ERC2: variants seen among roughly 807,000 people sequenced by gnomAD.
ERC2 encodes the protein ERC protein 2.
ERC2 carries 42 observed loss-of-function variants against 114.8 expected under a neutral mutation model. The observed-to-expected ratio is 0.37, with a 90% CI of 0.29 to 0.47. The LOEUF is 0.47. Among genes scored for constraint, ERC2 ranks in the 20% least tolerant of loss-of-function variants. The pLI is 0.99. For synonymous variants in ERC2, 454 were observed against 425.5 expected (o/e 1.07, Z -0.82); for missense variants, 939 against 1,150.7 (o/e 0.82, Z 2.66).
chr3:55,611,629 C>T (rs564264850), intron 17 of ERC2, among the ~76,000 whole-genome samples: 2 of 152,282 alleles, frequency 1.3e-5, no homozygotes, highest in South Asian at 4.2e-4. Flanking sequence ...CCCAGGCAGC[C>T]TCCCCTCCAG....
intron 3 of ERC2, among the ~76,000 whole-genome samples, chr3:56,221,161 A>C (rs115235348): frequency 0.3 from 44,729 of 151,164 alleles, 8,217 homozygotes; most frequent in Middle Eastern, 0.42. Context: ...TGAAAATTGA[A>C]AATTTTCAAA....
chr3:55,906,460 G>A (rs2064454980), intron 13 of ERC2, among the ~76,000 whole-genome samples: 1 of 150,592 alleles, frequency 6.6e-6, no homozygotes, highest in African/African-American at 2.4e-5. Flanking sequence ...AAAAGTAGTG[G>A]CAGGGGGTTC....
At chr3:56,241,340 C>G (rs767674532) in intron 3 of ERC2, among the ~76,000 whole-genome samples, 5 of 151,910 alleles carry the variant, frequency 3.3e-5, no homozygotes, top group African/African-American at 1.2e-4. Context: ...AAAACCACAA[C>G]AAGATATCAT....
chr3:56,345,745 C>T (rs923693659), intron 2 of ERC2, among the ~76,000 whole-genome samples: 17 of 152,110 alleles, frequency 1.1e-4, no homozygotes, highest in African/African-American at 2.4e-4. Context: ...TTGAGGTTTC[C>T]GCTGTCTTGG....
At chr3:56,327,760 G>C (rs957632915) in intron 2 of ERC2, among the ~76,000 whole-genome samples, 1 of 152,070 alleles carries the variant, frequency 6.6e-6, no homozygotes, top group Non-Finnish European at 1.5e-5. Flanking sequence ...TGAATCGAGG[G>C]AATCAGAGAA....
At chr3:55,755,529 C>T (rs557701949) in intron 14 of ERC2, among the ~76,000 whole-genome samples, 107 of 152,280 alleles carry the variant, frequency 7.0e-4, no homozygotes, top group African/African-American at 2.5e-3. Flanking sequence ...TTCAACTCCC[C>T]GAACACCCCA....
intron 2 of ERC2, among the ~76,000 whole-genome samples, chr3:56,297,372 G>A (rs1470150010): frequency 6.6e-6 from 1 of 151,964 alleles, no homozygotes; most frequent in Non-Finnish European, 1.5e-5. Context: ...AAATCTCACT[G>A]ACCCAGAAAC....
intron 17 of ERC2, among the ~76,000 whole-genome samples, chr3:55,553,317 G>A (rs2055359296): frequency 6.6e-6 from 1 of 151,878 alleles, no homozygotes; most frequent in Admixed American, 6.6e-5. Flanking sequence ...ACCACGTCAG[G>A]TCCAGATTTT....
intron 17 of ERC2, among the ~76,000 whole-genome samples, chr3:55,580,208 C>A (rs2057187014): frequency 1.3e-5 from 2 of 151,790 alleles, no homozygotes; most frequent in South Asian, 4.2e-4. Flanking sequence ...ATGTAAATAC[C>A]ACTTGACAGC....
intron 14 of ERC2, among the ~76,000 whole-genome samples, chr3:55,822,166 A>G (rs558351130): frequency 2.6e-5 from 4 of 152,312 alleles, no homozygotes; most frequent in East Asian, 3.9e-4. Context: ...ACATTTTTAA[A>G]TGTTCTGAGA....
intron 14 of ERC2, among the ~76,000 whole-genome samples, chr3:55,798,641 C>A (rs1283411546): frequency 6.6e-6 from 1 of 151,362 alleles, no homozygotes; most frequent in African/African-American, 2.4e-5. Flanking sequence ...GGAAAGATAG[C>A]CACTTAAAAT....
At chr3:55,726,350 C>A (rs1215054712) in intron 15 of ERC2, among the ~76,000 whole-genome samples, 1 of 152,146 alleles carries the variant, frequency 6.6e-6, no homozygotes, top group Non-Finnish European at 1.5e-5. Context: ...ACCTCCTGAA[C>A]CATAAAGGGT....
intron 12 of ERC2, among the ~76,000 whole-genome samples, chr3:55,952,165 ACACACACACACACAC>A (rs2067581146): frequency 1.3e-4 from 11 of 85,922 alleles, no homozygotes; most frequent in East Asian, 2.8e-4. Context: ...ACACACACAC[ACACACACACACACAC>A]TCTCTCTCTC....
intron 2 of ERC2, among the ~76,000 whole-genome samples, chr3:56,420,906 A>G (rs528115481): frequency 7.2e-5 from 11 of 152,042 alleles, no homozygotes; most frequent in South Asian, 6.2e-4. Context: ...CAAAAAAAAA[A>G]AAAGAAAGAA....
intron 14 of ERC2, among the ~76,000 whole-genome samples, chr3:55,809,329 G>A (rs1268726777): frequency 6.6e-6 from 1 of 152,090 alleles, no homozygotes; most frequent in Non-Finnish European, 1.5e-5. Flanking sequence ...TCTAGGCAAG[G>A]ATTATATGGC....
rs540062130 is a variant in ERC2, at chr3:55,872,029, C to G, written c.2564+16360G>C. On this transcript the variant is annotated intron_variant, in intron 14 of 17. Coordinates refer to ENST00000288221, the MANE Select transcript of ERC2 (RefSeq NM_015576.3). ...GCTTCAAAATAATCTAGGGATGAGG[C>G]AAGGAAGTGGGGAATAGAAAGGAAA... Among the ~76,000 whole-genome samples the G allele has an allele frequency of 3.9e-5, 6 of 152,102 alleles. No individual in the cohort carries two copies. The South Asian group carries it at 1.0e-3, about 26-fold the overall frequency.
chr3:55,802,967 T>A (rs2059360674), intron 14 of ERC2, among the ~76,000 whole-genome samples: 1 of 152,206 alleles, frequency 6.6e-6, no homozygotes, highest in South Asian at 2.1e-4. Context: ...TGACCGTATA[T>A]CATTACGATT....
chr3:56,220,955 T>C (rs2049863583), intron 3 of ERC2, among the ~76,000 whole-genome samples: 2 of 152,126 alleles, frequency 1.3e-5, no homozygotes, highest in Admixed American at 6.5e-5. Context: ...GCTCCAAATG[T>C]TTTGATCAGG....
chr3:56,216,079 AAGAACTAG>A (rs1199013742), intron 3 of ERC2, among the ~76,000 whole-genome samples: 1 of 152,224 alleles, frequency 6.6e-6, no homozygotes, highest in Admixed American at 6.5e-5. Flanking sequence ...TCACAATTAA[AAGAACTAG>A]AGAAGCAAGA....
Sources: allele counts gnomAD v4.1 joint callset (sites outside exome capture counted in the v4.1 genomes callset), GRCh38; gene constraint gnomAD v4.1.1; transcripts MANE v1.5; gene names NCBI Gene and HGNC (gene_info 2026-07-23, HGNC 2026-07-21).